The following PTPRK variants were observed in gnomAD, a reference collection of about 807,000 sequenced individuals.
The protein encoded by PTPRK is receptor-type tyrosine-protein phosphatase kappa.
A neutral mutation model predicts 178.0 loss-of-function variants in PTPRK; 75 were observed. The ratio of observed to expected loss-of-function variants is 0.42; its 90% CI spans 0.35 to 0.51. The LOEUF is 0.51. PTPRK is among the 20% of genes least tolerant of loss of function. The pLI, the probability that PTPRK is intolerant of heterozygous loss-of-function variation, is 0.02. For missense variants in PTPRK, 1,441 were observed against 1,797.8 expected (o/e 0.80, Z 3.59); for synonymous variants, 637 against 620.6 (o/e 1.03, Z -0.39).
chr6:128,169,852 A>C (rs1211052770), intron 7 of PTPRK, among the ~76,000 whole-genome samples: 1 of 151,540 alleles, frequency 6.6e-6, no homozygotes, highest in Non-Finnish European at 1.5e-5. Flanking sequence ...CAATGGAGAC[A>C]AATAATATAT....
intron 1 of PTPRK, among the ~76,000 whole-genome samples, chr6:128,468,127 GACAC>G (rs1850124536): frequency 6.6e-6 from 1 of 152,134 alleles, no homozygotes; most frequent in Non-Finnish European, 1.5e-5. Flanking sequence ...GCAATTAGTG[GACAC>G]ACAAATTATT....
chr6:128,274,385 T>C (rs1212403879), intron 3 of PTPRK, among the ~76,000 whole-genome samples: 1 of 152,100 alleles, frequency 6.6e-6, no homozygotes, highest in Non-Finnish European at 1.5e-5. Flanking sequence ...ACTACAAATA[T>C]AAACCAGTGT....
intron 5 of PTPRK, 103 bp downstream of exon 5, chr6:128,239,932 C>G: frequency 1.6e-6 from 1 of 629,152 alleles, no homozygotes. Context: ...TGTGCACACG[C>G]ACACACACAC....
intron 7 of PTPRK, among the ~76,000 whole-genome samples, chr6:128,106,219 C>T (rs1416920496): frequency 6.6e-6 from 1 of 152,082 alleles, no homozygotes; most frequent in East Asian, 1.9e-4. Flanking sequence ...TAGTTATTAA[C>T]TTTATTGTAG....
intron 5 of PTPRK, among the ~76,000 whole-genome samples, chr6:128,226,755 T>C (rs865887457): frequency 6.3e-5 from 6 of 95,860 alleles, no homozygotes; most frequent in African/African-American, 2.3e-4. Flanking sequence ...CTTATAATTA[T>C]ATAGACATAT....
At chr6:128,492,301 C>T (rs570774832) in intron 1 of PTPRK, among the ~76,000 whole-genome samples, 1 of 152,154 alleles carries the variant, frequency 6.6e-6, no homozygotes, top group Non-Finnish European at 1.5e-5. Flanking sequence ...ATCCATCCAC[C>T]CCCAACTGAG....
chr6:128,245,352 T>G (rs1415072260), intron 3 of PTPRK, among the ~76,000 whole-genome samples: 2 of 152,204 alleles, frequency 1.3e-5, no homozygotes, highest in East Asian at 3.8e-4. Context: ...AATTTTAAAT[T>G]TAAAAAATGA....
chr6:128,290,892 A>G (rs1469842604), intron 3 of PTPRK, among the ~76,000 whole-genome samples: 2 of 152,182 alleles, frequency 1.3e-5, no homozygotes, highest in Non-Finnish European at 2.9e-5. Context: ...TAAACAAGGC[A>G]TTTAATATAC....
chr6:128,361,143 A>T (rs1241437697), intron 2 of PTPRK, among the ~76,000 whole-genome samples: 1 of 152,172 alleles, frequency 6.6e-6, no homozygotes, highest in Non-Finnish European at 1.5e-5. Flanking sequence ...TCCAGAAATT[A>T]CTGCAACCAT....
intron 1 of PTPRK, among the ~76,000 whole-genome samples, chr6:128,415,504 G>GAAAAAAAA (rs11373222): frequency 6.9e-6 from 1 of 143,984 alleles, no homozygotes. Context: ...TATGCAGTGA[G>GAAAAAAAA]AAAAAAAAAA....
chr6:128,384,997 A>G (rs1416835987), intron 2 of PTPRK, among the ~76,000 whole-genome samples: 1 of 150,694 alleles, frequency 6.6e-6, no homozygotes, highest in Non-Finnish European at 1.5e-5. Context: ...AACAAATACA[A>G]CTTTATTTCT....
intron 3 of PTPRK, among the ~76,000 whole-genome samples, chr6:128,274,600 AC>A (rs1030521307): frequency 6.6e-6 from 1 of 152,102 alleles, no homozygotes; most frequent in African/African-American, 2.4e-5. Flanking sequence ...CAGCATTCAC[AC>A]CCAGATTTAA....
chr6:128,198,201 A>C (rs1805260171), intron 6 of PTPRK, among the ~76,000 whole-genome samples: 1 of 152,182 alleles, frequency 6.6e-6, no homozygotes, highest in African/African-American at 2.4e-5. Flanking sequence ...GCAGGTGATA[A>C]ATAGAACTCT....
intron 7 of PTPRK, among the ~76,000 whole-genome samples, chr6:128,169,783 ATGTGTGTGTGTGTGTGTG>A (rs10552787): frequency 2.1e-5 from 3 of 145,538 alleles, no homozygotes; most frequent in African/African-American, 5.1e-5. Context: ...TATTTTTTTA[ATGTGTGTGTGTGTGTGTG>A]TGTGTGTGTG....
At chr6:128,259,742 G>A (rs1225253196) in intron 3 of PTPRK, among the ~76,000 whole-genome samples, 4 of 152,040 alleles carry the variant, frequency 2.6e-5, no homozygotes, top group African/African-American at 9.7e-5. Flanking sequence ...TAAATCCCTA[G>A]GAAAGGGCCA....
At chr6:127,996,786 A>C (rs1443059670) in intron 17 of PTPRK, 115 bp downstream of exon 17, 1 of 1,310,630 alleles carries the variant, frequency 7.6e-7, no homozygotes, top group Non-Finnish European at 1.0e-6. Context: ...TGCTGTTTTA[A>C]TATTAAATAG....
chr6:128,448,289 G>C (rs1389773189), intron 1 of PTPRK, among the ~76,000 whole-genome samples: 6 of 152,292 alleles, frequency 3.9e-5, no homozygotes, highest in Middle Eastern at 3.4e-3. Context: ...GTTCTGGAGA[G>C]ATAATAAATG....
rs1377320240 is a variant in PTPRK at position 127,991,340 on chromosome 6, T to G, written c.2933A>C (p.Gln978Pro). The stretch of plus-strand genomic sequence containing the variant: ...TGTAACCATCACAATGCAAGCAGAT[T>G]GTTCTTGCCAAATCATCCTCCAGAA... ...YDFWRMIWQE[Q>P]SACIVMVTNL... The change falls in exon 20 of 30, where the codon CAA becomes CCA. Residue 978 changes from glutamine to proline, a missense_variant. Gln to Pro is a moderately conservative substitution (Grantham distance 76). Coordinates refer to ENST00000368226, the MANE Select transcript of PTPRK (RefSeq NM_002844.4). 6.2e-7 allele frequency: 1 copy of G among 1,603,202 alleles called. No homozygotes were observed. Among genetic ancestry groups the G allele is most frequent in the Non-Finnish European group, 8.5e-7 (1 of 1,175,028 alleles).
chr6:128,071,367 T>C (rs1309689691), intron 11 of PTPRK, among the ~76,000 whole-genome samples: 1 of 152,006 alleles, frequency 6.6e-6, no homozygotes, highest in African/African-American at 2.4e-5. Context: ...TTTAAAGTCA[T>C]CTCTCATACT....
Sources: allele counts gnomAD v4.1 joint callset (sites outside exome capture counted in the v4.1 genomes callset), GRCh38; gene constraint gnomAD v4.1.1; transcripts MANE v1.5; gene names NCBI Gene and HGNC (gene_info 2026-07-23, HGNC 2026-07-21).